The following MELTF variants were observed in gnomAD, a reference collection of about 807,000 sequenced individuals.
The protein encoded by MELTF is melanotransferrin.
MELTF carries 67 observed loss-of-function variants against 83.7 expected under a neutral mutation model. The ratio of observed to expected loss-of-function variants is 0.80; its 90% confidence interval spans 0.66 to 0.98. MELTF has a LOEUF of 0.98. Ranked by LOEUF, MELTF falls within the 50% of genes least tolerant of loss-of-function variation. The pLI is 0.00. For synonymous variants in MELTF, 462 were observed against 447.6 expected (o/e 1.03, Z -0.41); for missense variants, 1,002 against 1,035.6 (o/e 0.97, Z 0.44).
intron 6 of MELTF, among the ~76,000 whole-genome samples, chr3:197,017,568 T>TA (rs1043950940): frequency 2.9e-4 from 44 of 152,174 alleles, no homozygotes; most frequent in African/African-American, 9.6e-4. Context: ...CTATTCAAGA[T>TA]AAAAAAAGTA....
chr3:197,024,260 G>C lies in MELTF; in HGVS notation c.487+43C>G, dbSNP rs1403191309. ...GGACGAGCATGGGCCAAGGAAAGGAGGGGGAGGCCTGGGGACCCTCCTGCC... is the reference window on the plus strand; with the variant it reads ...GGACGAGCATGGGCCAAGGAAAGGACGGGGAGGCCTGGGGACCCTCCTGCC... On this transcript the variant is annotated intron_variant, in intron 4 of 15. Coordinates refer to ENST00000296350, the MANE Select transcript of MELTF (RefSeq NM_005929.6). The surrounding 1 kb of genome is among the most constrained non-coding windows in gnomAD (Gnocchi z 5.3). 2.6e-6 allele frequency: 4 copies of C among 1,513,272 alleles called. No individual in the cohort carries two copies. The highest frequency in any genetic ancestry group is 3.5e-6 in the Non-Finnish European group (4 of 1,128,024). The allele number at this position is 1,513,272 out of a possible 1,614,324, so 93.7% of individuals were successfully genotyped here.
At chr3:197,010,579 C>T (rs1719150259) in intron 10 of MELTF, 119 bp downstream of exon 10, 2 of 810,920 alleles carry the variant, frequency 2.5e-6, no homozygotes, top group African/African-American at 1.7e-5. Flanking sequence ...TGACAGGCAG[C>T]CACTATCCCC....
In MELTF at chr3:197,026,708, C is replaced by G. The variant is rs1413607343; in HGVS notation, c.256G>C (p.Gly86Arg). The G allele has an allele frequency of 6.2e-7, 1 of 1,613,360 alleles. No homozygotes were observed. Among genetic ancestry groups the G allele is most frequent in the Non-Finnish European group, 8.5e-7 (1 of 1,180,030 alleles). ...TLDGGAIYEA[G>R]KEHGLKPVVG... ...ACCGGCTTCAGGCCGTGCTCCTTTC[C>G]CGCCTCATAGATGGCTCCTCCATCC... The change falls in exon 3 of 16, where the codon GGA becomes CGA. Residue 86 changes from glycine (G) to arginine (R), a missense_variant. Gly to Arg is a moderately radical substitution (Grantham distance 125). Coordinates refer to ENST00000296350, the MANE Select transcript of MELTF (RefSeq NM_005929.6).
chr3:197,017,017 C>T, intron 7 of MELTF, 86 bp downstream of exon 7: 1 of 1,422,844 alleles, frequency 7.0e-7, no homozygotes. Flanking sequence ...TGGGTCCTGC[C>T]CCTCCTGGTC....
intron 14 of MELTF, among the ~76,000 whole-genome samples, chr3:197,005,291 T>C (rs1206520538): frequency 6.6e-6 from 1 of 152,144 alleles, no homozygotes; most frequent in Non-Finnish European, 1.5e-5. Context: ...CTAAAGTTGC[T>C]CTTAATTGAA....
Position 197,029,269 on chromosome 3 carries a change from T to C in MELTF, c.49+385A>G, listed in dbSNP as rs13316391. The C allele has an allele frequency of 0.61, 110,016 of 180,472 alleles. 35,909 individuals carry two copies. Among genetic ancestry groups the C allele is most frequent in the East Asian group, 0.84 (6,310 of 7,474 alleles). The allele number at this position is 180,472 out of a possible 1,614,324, so 11.2% of individuals were successfully genotyped here. On this transcript the variant is annotated intron_variant, in intron 1 of 15. Transcript: ENST00000296350. This position sits in a 1 kb window ranked among gnomAD's most constrained non-coding sequence, Gnocchi z 6.5. ...TGCCGGTCAGTCCCTCTGAATCTTC[T>C]CCCGCGGGGGCTCGGGAGAAAGAGC...
At chr3:197,018,843 T>G in intron 6 of MELTF, 1 of 793,774 alleles carries the variant, frequency 1.3e-6, no homozygotes, top group South Asian at 5.7e-5. Flanking sequence ...AAACTTTCCA[T>G]AAGTTCATTT....
chr3:197,015,247 C>T, intron 9 of MELTF, 118 bp downstream of exon 9: 1 of 1,237,372 alleles, frequency 8.1e-7, no homozygotes, highest in Non-Finnish European at 1.1e-6. Context: ...TCTCTGTGGG[C>T]TTGTTGCAGT....
At chr3:197,005,410 T>C (rs545222834) in intron 14 of MELTF, among the ~76,000 whole-genome samples, 28 of 152,280 alleles carry the variant, frequency 1.8e-4, no homozygotes, top group African/African-American at 6.0e-4. Flanking sequence ...AATATGCAAG[T>C]TTGGGACTGA....
At chr3:197,010,980 C>G (rs1577930578) in intron 9 of MELTF, among the ~76,000 whole-genome samples, 186 bp from the exon 10 acceptor site, 1 of 152,214 alleles carries the variant, frequency 6.6e-6, no homozygotes, top group Non-Finnish European at 1.5e-5. Context: ...TGTGAAGACG[C>G]CTGGCCAGGA....
At position 197,008,485 on chromosome 3, in the gene MELTF, T is replaced by C. The variant is rs1042990124; in HGVS notation, c.1750+172A>G. ...ACCCCTGGATGTGTGGTCTGAGGTC[T>C]GTTCTTACCCTGTGACCCTTGGGGC... On this transcript the variant is annotated intron_variant, in intron 13 of 15. Coordinates refer to ENST00000296350, the MANE Select transcript of MELTF (RefSeq NM_005929.6). The surrounding 1 kb of genome is among the most constrained non-coding windows in gnomAD (Gnocchi z 5.4). Among the ~76,000 whole-genome samples the C allele has an allele frequency of 6.6e-6, 1 of 152,200 alleles. No homozygotes were observed. Among genetic ancestry groups the C allele is most frequent in the Non-Finnish European group, 1.5e-5 (1 of 68,034 alleles).
At chr3:197,019,182 T>C (rs935887662) in intron 6 of MELTF, 9 of 1,002,294 alleles carry the variant, frequency 9.0e-6, no homozygotes, top group Non-Finnish European at 6.0e-6. Context: ...AGTGTAGTCC[T>C]ACCCCCGCTT....
chr3:197,003,930 C>T lies in MELTF; in HGVS notation c.2108G>A (p.Gly703Glu). The T allele has an allele frequency of 2.5e-6, 4 of 1,614,004 alleles. No individual in the cohort carries two copies. Among genetic ancestry groups the T allele is most frequent in the East Asian group, 2.2e-5 (1 of 44,882 alleles). Residue 703 changes from glycine (G) to glutamate (E), a missense_variant, in exon 15 of 16, where the codon GGG becomes GAG. Gly to Glu is a moderately conservative substitution (Grantham distance 98, BLOSUM62 -2). Coordinates refer to ENST00000296350, the MANE Select transcript of MELTF (RefSeq NM_005929.6). This position sits in a 1 kb window ranked among gnomAD's most constrained non-coding sequence, Gnocchi z 6.2. ...LGLDYVAALE[G>E]MSSQQCSGAA... ...GCCCGAGCACTGCTGAGACGACATCCCTTCCAGCGCCGCCACGTAGTCCAG... is the reference window on the plus strand; with the variant it reads ...GCCCGAGCACTGCTGAGACGACATCTCTTCCAGCGCCGCCACGTAGTCCAG...
At position 197,010,807 on chromosome 3, in the gene MELTF, G is replaced by A. The variant is rs1302215189; in HGVS notation, c.1234-13C>T. On this transcript the variant is annotated splice_polypyrimidine_tract_variant and intron_variant, in intron 9 of 15. Coordinates refer to ENST00000296350, the MANE Select transcript of MELTF (RefSeq NM_005929.6). Reference sequence around the variant, plus strand: ...CGACCTGCTCAGCCTGAAGGGAATAGAAGAAGCCACTGGGCCGGGGTGGGC... The same window carrying A: ...CGACCTGCTCAGCCTGAAGGGAATAAAAGAAGCCACTGGGCCGGGGTGGGC... 1.2e-6 allele frequency: 2 copies of A among 1,612,808 alleles called. No homozygotes were observed. The highest frequency in any genetic ancestry group is 1.7e-5 in the Admixed American group (1 of 60,028).
intron 5 of MELTF, among the ~76,000 whole-genome samples, chr3:197,021,801 T>G (rs1342141309): frequency 1.3e-5 from 2 of 152,196 alleles, no homozygotes; most frequent in African/African-American, 4.8e-5. Context: ...GCAGCTGCTA[T>G]TATAATATCA....
At position 197,029,300 on chromosome 3, in the gene MELTF, C is replaced by G. The variant is rs4916599; in HGVS notation, c.49+354G>C. ...GGGGGCTCGGGAGAAAGAGCTGCTC[C>G]GAGCCCCCAAAGTCTTCCTGAGTTC... On this transcript the variant is annotated intron_variant, in intron 1 of 15. Coordinates refer to ENST00000296350, the MANE Select transcript of MELTF (RefSeq NM_005929.6). This position sits in a 1 kb window ranked among gnomAD's most constrained non-coding sequence, Gnocchi z 6.5. 13 of 238,546 alleles carry G rather than the reference C, an allele frequency of 5.4e-5. No individual in the cohort carries two copies. Among genetic ancestry groups the G allele is most frequent in the East Asian group, 3.1e-4 (4 of 13,022 alleles). 14.8% of individuals were successfully genotyped at this position (238,546 alleles called of 1,614,324 possible). A position where few individuals can be genotyped will look rare whatever the true frequency, so the allele number is the denominator to read the frequency against.
At chr3:197,013,730 A>G (rs2148582771) in intron 9 of MELTF, among the ~76,000 whole-genome samples, 1 of 152,374 alleles carries the variant, frequency 6.6e-6, no homozygotes, top group Non-Finnish European at 1.5e-5. Context: ...ACGTTTCTCA[A>G]AAGAAGACAT....
intron 6 of MELTF, chr3:197,019,575 A>C: frequency 6.3e-7 from 1 of 1,581,442 alleles, no homozygotes. Context: ...CCCATCTCAA[A>C]AAAAACCCCA....
chr3:197,023,977 C>T (rs535468993), intron 4 of MELTF: 14 of 569,944 alleles, frequency 2.5e-5, no homozygotes, highest in East Asian at 1.2e-4. Flanking sequence ...GACCTGCGCC[C>T]GGTCTATACT....
Sources: gnomAD v4.1 joint callset for allele counts (sites outside exome capture counted in the v4.1 genomes callset) on GRCh38, gnomAD v4.1.1 for gene constraint, Gnocchi (gnomAD v3.1) non-coding constraint, MANE v1.5 for transcripts, NCBI Gene and HGNC (gene_info 2026-07-23, HGNC 2026-07-21) for gene names.